The following SVOP variants were observed in gnomAD, a reference collection of about 807,000 sequenced individuals.
The protein encoded by SVOP is SV2 related protein, also known as synaptic vesicle 2-related protein.
Under a neutral mutation model 69.1 loss-of-function variants are expected in SVOP, and 17 were observed. The ratio of observed to expected loss-of-function variants is 0.25; its 90% CI spans 0.17 to 0.37. SVOP has a LOEUF of 0.37. SVOP is among the 10% of genes least tolerant of loss of function. The probability of loss-of-function intolerance (pLI) is 1.00; values close to 1 mark genes in which losing one functional copy is unlikely to be tolerated. For synonymous variants in SVOP, 238 were observed against 238.6 expected (o/e 1.00, Z 0.02); for missense variants, 435 against 597.5 (o/e 0.73, Z 2.84).
intron 1 of SVOP, among the ~76,000 whole-genome samples, chr12:109,020,169 G>A (rs2040388896): frequency 6.6e-6 from 1 of 152,054 alleles, no homozygotes; most frequent in African/African-American, 2.4e-5. Context: ...AGCAAATTTG[G>A]TTTTTCTTAA....
intron 6 of SVOP, among the ~76,000 whole-genome samples, chr12:108,959,699 A>C (rs2040006601): frequency 6.6e-6 from 1 of 152,098 alleles, no homozygotes; most frequent in Non-Finnish European, 1.5e-5. Context: ...CCAACCAGAC[A>C]ATTAGCCTTC....
chr12:108,938,829 G>A lies in SVOP; in HGVS notation c.895C>T (p.Gln299Ter). 6.2e-7 allele frequency: 1 copy of A among 1,614,006 alleles called. No homozygotes were observed. Among genetic ancestry groups the A allele is most frequent in the Non-Finnish European group, 8.5e-7 (1 of 1,179,882 alleles). The change falls in exon 9 of 16, where the codon CAG becomes TAG. Residue 299 changes from glutamine (Q) to a stop codon, truncating the protein, a stop_gained and splice_region_variant. Transcript: ENST00000610966. LOFTEE classifies it high-confidence loss of function. ...AGTCTATTGGTCCAGGCACTGACCT[G>A]TCTGGAGATGATGAGTTTCCCCAGC... ...MPLGKLIISR[Q>*]EDRGKMRDLF...
chr12:108,998,980 AT>A (rs2135618664), intron 1 of SVOP, among the ~76,000 whole-genome samples: 1 of 147,754 alleles, frequency 6.8e-6, no homozygotes, highest in Non-Finnish European at 1.5e-5. Flanking sequence ...TTAAATGTAA[AT>A]GGACTAAATT....
intron 10 of SVOP, among the ~76,000 whole-genome samples, chr12:108,935,118 T>C (rs550533462): frequency 6.6e-6 from 1 of 152,242 alleles, no homozygotes; most frequent in East Asian, 1.9e-4. Context: ...AGGGGAAAAA[T>C]GGGACCAACC....
At chr12:108,915,921 C>T in intron 14 of SVOP, 49 bp from the exon 15 acceptor site, 1 of 1,498,422 alleles carries the variant, frequency 6.7e-7, no homozygotes, top group Non-Finnish European at 8.9e-7. Context: ...AGGTTCCTCC[C>T]ACCACTCCAG....
In SVOP at chr12:109,010,127, CA is replaced by C. The variant is rs11311870; in HGVS notation, c.35+10706del. 2.9e-3 allele frequency among the ~76,000 whole-genome samples: 351 copies of C among 119,068 alleles called. 6 individuals are homozygous for C. The highest frequency in any genetic ancestry group is 0.024 in the South Asian group (82 of 3,448). The allele number at this position is 119,068 out of a possible 152,430, so 78.1% of individuals were successfully genotyped here. The stretch of plus-strand genomic sequence containing the variant: ...CAACAGAGAGAGACCCTCTCTCTCT[CA>C]AAAAAAAAAAAAAAATTTTTTTTTA... On this transcript the variant is annotated intron_variant, in intron 1 of 15. Transcript: ENST00000610966.
intron 2 of SVOP, among the ~76,000 whole-genome samples, chr12:108,979,666 A>G (rs1031393511): frequency 1.3e-5 from 2 of 152,202 alleles, no homozygotes; most frequent in African/African-American, 4.8e-5. Flanking sequence ...TTGTGATAAA[A>G]TGTATATACG....
At chr12:108,945,834 T>C (rs1408940248) in intron 6 of SVOP, among the ~76,000 whole-genome samples, 3 of 152,222 alleles carry the variant, frequency 2.0e-5, no homozygotes, top group Non-Finnish European at 2.9e-5. Context: ...AATGTCAATC[T>C]GTCCCATCAC....
At position 108,912,448 on chromosome 12, in the gene SVOP, C is replaced by T. The variant is rs182553257; in HGVS notation, c.*87G>A. The T allele has an allele frequency of 7.6e-5, 121 of 1,586,582 alleles. No individual in the cohort carries two copies. The Admixed American group carries it at 1.5e-3, about 20-fold the overall frequency. On this transcript the variant is annotated 3_prime_UTR_variant, in exon 16 of 16. Transcript: ENST00000610966. ...ATACTCTTGGGTGAGTTCTTGATGTCGGCAGTGACAATCAGTGCCCCAGTT... is the reference window on the plus strand; with the variant it reads ...ATACTCTTGGGTGAGTTCTTGATGTTGGCAGTGACAATCAGTGCCCCAGTT...
rs1011723747 is a variant in SVOP at position 108,909,337 on chromosome 12, G to A, written c.*3198C>T. Reference sequence around the variant, plus strand: ...TTGAGACCAGCCTGACCAACATGGTGAAACCTTGTCTATACTAAAAATACA... The same window carrying A: ...TTGAGACCAGCCTGACCAACATGGTAAAACCTTGTCTATACTAAAAATACA... On this transcript the variant is annotated 3_prime_UTR_variant, in exon 16 of 16. Transcript: ENST00000610966. 1 of 152,086 alleles carries A rather than the reference G, an allele frequency of 6.6e-6. No homozygotes were observed. Among genetic ancestry groups the A allele is most frequent in the Admixed American group, 6.6e-5 (1 of 15,262 alleles). The allele number at this position is 152,086 out of a possible 1,614,324, so 9.4% of individuals were successfully genotyped here. A position where few individuals can be genotyped will look rare whatever the true frequency, so the allele number is the denominator to read the frequency against.
At chr12:108,968,744 T>TTGTGTGTGTGTGTG (rs554473073) in intron 5 of SVOP, among the ~76,000 whole-genome samples, 66 of 149,770 alleles carry the variant, frequency 4.4e-4, no homozygotes, top group Non-Finnish European at 8.2e-4. Context: ...TGTTTGTCTT[T>TTGTGTGTGTGTGTG]TGTGTGTGTG....
chr12:108,997,109 G>A (rs1375826287), intron 1 of SVOP, among the ~76,000 whole-genome samples: 4 of 151,464 alleles, frequency 2.6e-5, no homozygotes, highest in Admixed American at 1.3e-4. Flanking sequence ...TGCGTGCACC[G>A]TGCGCGAGCC....
At chr12:109,020,314 A>G (rs1014878900) in intron 1 of SVOP, among the ~76,000 whole-genome samples, 5 of 152,054 alleles carry the variant, frequency 3.3e-5, no homozygotes, top group Admixed American at 6.6e-5. Context: ...TCATTCACAC[A>G]CTTCATAAAC....
intron 11 of SVOP, among the ~76,000 whole-genome samples, chr12:108,926,084 A>G (rs2039778801): frequency 6.6e-6 from 1 of 151,894 alleles, no homozygotes. Context: ...AGGCCCAGCT[A>G]ATTATTTTGT....
intron 5 of SVOP, among the ~76,000 whole-genome samples, chr12:108,970,615 C>T (rs149073183): frequency 2.0e-4 from 30 of 152,218 alleles, no homozygotes; most frequent in South Asian, 4.2e-4. Flanking sequence ...CTAAGCCAAT[C>T]GTTTTCAAAG....
intron 1 of SVOP, among the ~76,000 whole-genome samples, chr12:108,984,911 G>C (rs1219739415): frequency 2.0e-5 from 3 of 152,102 alleles, no homozygotes; most frequent in Non-Finnish European, 4.4e-5. Context: ...TCACAGCTTT[G>C]AGTCCTCATA....
At chr12:108,984,210 G>T (rs1167202371) in intron 1 of SVOP, among the ~76,000 whole-genome samples, 8 of 152,118 alleles carry the variant, frequency 5.3e-5, no homozygotes, top group Non-Finnish European at 1.0e-4. Flanking sequence ...TAGAGACAAG[G>T]TTTCACTATG....
At chr12:108,940,604 A>T (rs894781679) in intron 8 of SVOP, among the ~76,000 whole-genome samples, 180 bp downstream of exon 8, 3 of 152,134 alleles carry the variant, frequency 2.0e-5, no homozygotes, top group African/African-American at 7.2e-5. Flanking sequence ...TGTCTGGAGG[A>T]AATCTAACAC....
chr12:108,987,461 T>C (rs1476195703), intron 1 of SVOP, among the ~76,000 whole-genome samples: 2 of 152,204 alleles, frequency 1.3e-5, no homozygotes. Flanking sequence ...TATAGACCCA[T>C]AAGACGAATT....
Sources: gnomAD v4.1 joint callset for allele counts (sites outside exome capture counted in the v4.1 genomes callset) on GRCh38, gnomAD v4.1.1 for gene constraint, MANE v1.5 for transcripts, NCBI Gene and HGNC (gene_info 2026-07-23, HGNC 2026-07-21) for gene names.